Variants in PDE4D observed in about 807,000 individuals in gnomAD.
PDE4D encodes phosphodiesterase 4D, also known as 3',5'-cyclic-AMP phosphodiesterase 4D.
In PDE4D, 24 loss-of-function variants were observed where a neutral mutation model predicts 87.4. That is an observed-to-expected ratio of 0.27 (90% CI 0.20 to 0.39). The LOEUF (loss-of-function observed/expected upper bound fraction) is 0.39. Among genes scored for constraint, PDE4D ranks in the 10% least tolerant of loss-of-function variants. PDE4D has a pLI of 1.00. For synonymous variants in PDE4D, 384 were observed against 383.2 expected, an observed-to-expected ratio of 1.00 and a Z score of -0.02; for missense variants, 714 against 1,041.0, an observed-to-expected ratio of 0.69 and a Z score of 4.32.
In PDE4D at chr5:60,386,521, CTT is replaced by C. The variant is rs773463980; in HGVS notation, c.-90+101419_-90+101420del. Among the ~76,000 whole-genome samples, 16 of 152,328 alleles carry C rather than the reference CTT, an allele frequency of 1.1e-4. No homozygotes were observed. The South Asian group carries it at 3.3e-3, about 32-fold the overall frequency. Reference sequence around the variant, plus strand: ...GTGTTGTAATTGCCCTCCTAAGACTCTTTGCAGGCCCCTCTAGGTCACTTGCT... The same window carrying C: ...GTGTTGTAATTGCCCTCCTAAGACTCTGCAGGCCCCTCTAGGTCACTTGCT... On this transcript the variant is annotated intron_variant, in intron 1 of 16. Coordinates refer to the PDE4D transcript ENST00000502484.
chr5:60,465,367 T>A (rs1178002460), intron 1 of PDE4D, among the ~76,000 whole-genome samples: 1 of 152,156 alleles, frequency 6.6e-6, no homozygotes, highest in East Asian at 1.9e-4. Context: ...CAAGACTTCC[T>A]TAAAACATAA....
At chr5:59,619,803 C>T (rs1174431130) in intron 1 of PDE4D, among the ~76,000 whole-genome samples, 1 of 151,432 alleles carries the variant, frequency 6.6e-6, no homozygotes, top group Non-Finnish European at 1.5e-5. Context: ...GGATTTAGCA[C>T]TAAAAATGTC....
chr5:59,839,242 C>G (rs57742530), intron 1 of PDE4D, among the ~76,000 whole-genome samples: 14,098 of 151,240 alleles, frequency 0.093, 2,043 homozygotes, highest in African/African-American at 0.31. Context: ...ATGCCACAGG[C>G]CTGGGGAAAA....
At chr5:60,493,477 C>T (rs1749641666) in intron 1 of PDE4D, among the ~76,000 whole-genome samples, 1 of 152,142 alleles carries the variant, frequency 6.6e-6, no homozygotes, top group Non-Finnish European at 1.5e-5. Flanking sequence ...AAGAGAATAT[C>T]AACTGAGACT....
At chr5:59,364,198 G>C (rs1782681393) in intron 1 of PDE4D, among the ~76,000 whole-genome samples, 2 of 152,066 alleles carry the variant, frequency 1.3e-5, no homozygotes, top group Admixed American at 1.3e-4. Flanking sequence ...ACACAATTAG[G>C]CTATTATTAA....
chr5:60,159,466 A>G (rs1190132304), intron 2 of PDE4D, among the ~76,000 whole-genome samples: 2 of 152,186 alleles, frequency 1.3e-5, no homozygotes, highest in Non-Finnish European at 2.9e-5. Context: ...TGTACTGTAC[A>G]TAACTGTATG....
intron 1 of PDE4D, among the ~76,000 whole-genome samples, chr5:59,428,980 A>G (rs1279101033): frequency 6.6e-6 from 1 of 152,184 alleles, no homozygotes; most frequent in Non-Finnish European, 1.5e-5. Context: ...TTCTTGTAAA[A>G]TACACTGTGA....
chr5:59,113,691 C>A (rs1773076341), intron 5 of PDE4D, among the ~76,000 whole-genome samples: 1 of 152,156 alleles, frequency 6.6e-6, no homozygotes, highest in Non-Finnish European at 1.5e-5. Flanking sequence ...TGTTAGGTGA[C>A]CAATCTTGGA....
chr5:59,487,085 T>C (rs1182691055), intron 1 of PDE4D, among the ~76,000 whole-genome samples: 1 of 152,200 alleles, frequency 6.6e-6, no homozygotes, highest in Non-Finnish European at 1.5e-5. Context: ...TAAGATCATC[T>C]TTTTAACACC....
At chr5:60,222,007 A>C (rs1003410081) in intron 1 of PDE4D, among the ~76,000 whole-genome samples, 1 of 152,090 alleles carries the variant, frequency 6.6e-6, no homozygotes, top group African/African-American at 2.4e-5. Context: ...TTGCTTCCTT[A>C]TCTCAATGCT....
chr5:59,273,709 T>C (rs927722284), intron 1 of PDE4D, among the ~76,000 whole-genome samples: 1 of 152,120 alleles, frequency 6.6e-6, no homozygotes, highest in African/African-American at 2.4e-5. Flanking sequence ...TTTAGTTAAA[T>C]GGAAAAATAC....
chr5:60,160,919 T>C (rs1782421974), intron 2 of PDE4D: 1 of 384,088 alleles, frequency 2.6e-6, no homozygotes, highest in Non-Finnish European at 5.1e-6. Flanking sequence ...GAAAACATCT[T>C]AAATTTATAA....
chr5:59,895,695 C>A (rs76500476), upstream of PDE4D, among the ~76,000 whole-genome samples: 4,573 of 152,284 alleles, frequency 0.03, 94 homozygotes, highest in Non-Finnish European at 0.045. Context: ...ACACAAATTT[C>A]TTCTTTCCCC....
chr5:59,295,265 A>C (rs561107867), intron 1 of PDE4D, among the ~76,000 whole-genome samples: 1 of 152,300 alleles, frequency 6.6e-6, no homozygotes, highest in African/African-American at 2.4e-5. Flanking sequence ...TTATTTTAAT[A>C]AAATATTAGA....
chr5:59,646,344 T>G (rs561981379), intron 1 of PDE4D, among the ~76,000 whole-genome samples: 2 of 152,308 alleles, frequency 1.3e-5, no homozygotes, highest in African/African-American at 4.8e-5. Flanking sequence ...AGTAATAAAA[T>G]GGATATAAAT....
At chr5:59,078,977 C>T (rs1333929562) in intron 5 of PDE4D, among the ~76,000 whole-genome samples, 4 of 152,274 alleles carry the variant, frequency 2.6e-5, no homozygotes, top group Non-Finnish European at 1.5e-5. Flanking sequence ...TTGCTTTCTG[C>T]CATGTGGTGA....
chr5:59,798,798 G>C (rs934094518), intron 1 of PDE4D, among the ~76,000 whole-genome samples: 1 of 152,164 alleles, frequency 6.6e-6, no homozygotes. Flanking sequence ...CAGAGGGAAG[G>C]CTGGTGGTTG....
chr5:60,113,059 A>G (rs1777837745), intron 2 of PDE4D, among the ~76,000 whole-genome samples: 2 of 152,184 alleles, frequency 1.3e-5, no homozygotes, highest in Non-Finnish European at 1.5e-5. Flanking sequence ...ATTGTATGAA[A>G]AAGTCCAGTC....
At chr5:59,184,693 C>T (rs1742486070) in intron 4 of PDE4D, among the ~76,000 whole-genome samples, 1 of 152,080 alleles carries the variant, frequency 6.6e-6, no homozygotes, top group African/African-American at 2.4e-5. Context: ...CTTTCAAATG[C>T]TTTCCCTGTT....
Sources: allele counts gnomAD v4.1 joint callset (sites outside exome capture counted in the v4.1 genomes callset), GRCh38; gene constraint gnomAD v4.1.1; transcripts MANE v1.5; gene names NCBI Gene and HGNC (gene_info 2026-07-23, HGNC 2026-07-21).